The following FAR2 variants were observed in gnomAD, a reference collection of about 807,000 sequenced individuals.
FAR2 encodes epididymis secretory protein Li 81.
In FAR2, 19 loss-of-function variants were observed where a neutral mutation model predicts 56.0. The observed-to-expected ratio is 0.34, with a 90% CI of 0.24 to 0.50. The LOEUF (loss-of-function observed/expected upper bound fraction) is 0.50, where lower values mean the gene tolerates loss of function less well. FAR2 is among the 20% of genes least tolerant of loss of function. The probability of loss-of-function intolerance (pLI) is 0.98; values close to 1 mark genes in which losing one functional copy is unlikely to be tolerated. For missense variants in FAR2, 508 were observed against 642.2 expected, an observed-to-expected ratio of 0.79 and a Z score of 2.26; for synonymous variants, 219 against 218.8, an observed-to-expected ratio of 1.00 and a Z score of -0.01.
chr12:29,265,660 C>G (rs7315535), intron 1 of FAR2, among the ~76,000 whole-genome samples: 64,533 of 130,196 alleles, frequency 0.5, 14,570 homozygotes, highest in African/African-American at 0.63. Context: ...AGCAAAAATG[C>G]ACAAATGGGA....
At chr12:29,312,177 G>A (rs1240393924) in intron 8 of FAR2, among the ~76,000 whole-genome samples, 1 of 152,134 alleles carries the variant, frequency 6.6e-6, no homozygotes, top group East Asian at 1.9e-4. Flanking sequence ...GCAGTAAGGG[G>A]TCCATTGGCT....
chr12:29,194,976 T>C (rs1045999471), intron 1 of FAR2, among the ~76,000 whole-genome samples: 1 of 152,168 alleles, frequency 6.6e-6, no homozygotes, highest in Non-Finnish European at 1.5e-5. Context: ...ATACTATGAA[T>C]GGTTAAGTCT....
intron 2 of FAR2, among the ~76,000 whole-genome samples, chr12:29,276,253 AC>A (rs1466013596): frequency 2.0e-5 from 3 of 152,160 alleles, no homozygotes; most frequent in African/African-American, 7.2e-5. Flanking sequence ...CTAGGGCCTC[AC>A]TTTTTACTAA....
At chr12:29,278,758 C>T (rs1306179367) in intron 2 of FAR2, among the ~76,000 whole-genome samples, 2 of 152,140 alleles carry the variant, frequency 1.3e-5, no homozygotes, top group African/African-American at 2.4e-5. Flanking sequence ...AGAAAGCTAG[C>T]TTTGTGTGCT....
intron 2 of FAR2, among the ~76,000 whole-genome samples, chr12:29,273,460 G>C (rs1432164944): frequency 6.6e-6 from 1 of 152,226 alleles, no homozygotes; most frequent in Non-Finnish European, 1.5e-5. Context: ...GCCACGGTGT[G>C]TAGGGCTGTG....
chr12:29,180,216 T>C (rs1206913113), intron 1 of FAR2, among the ~76,000 whole-genome samples: 9 of 152,202 alleles, frequency 5.9e-5, no homozygotes, highest in African/African-American at 2.2e-4. Flanking sequence ...AAAAGAATGC[T>C]TATATGAAGC....
At chr12:29,193,480 G>A (rs1950119342) in intron 1 of FAR2, among the ~76,000 whole-genome samples, 1 of 152,272 alleles carries the variant, frequency 6.6e-6, no homozygotes, top group Middle Eastern at 3.4e-3. Context: ...AGAGTGTCAT[G>A]TAAGTGGAAT....
In FAR2 at chr12:29,265,331, A is replaced by G. The variant is rs538694269; in HGVS notation, c.-38-5081A>G. Among the ~76,000 whole-genome samples the G allele has an allele frequency of 3.3e-5, 5 of 152,338 alleles. No individual in the cohort carries two copies. In the South Asian group the frequency reaches 8.3e-4, roughly 25 times the overall value. On this transcript the variant is annotated intron_variant, in intron 1 of 11. Coordinates refer to ENST00000536681, the MANE Select transcript of FAR2 (RefSeq NM_001271783.2). ...ATGCTACTGGCATAAAAACTGAAACATAGACCAGTAGAACAGAGCAGAGAA... is the reference window on the plus strand; with the variant it reads ...ATGCTACTGGCATAAAAACTGAAACGTAGACCAGTAGAACAGAGCAGAGAA...
At chr12:29,161,870 G>A (rs2136578462) in intron 1 of FAR2, among the ~76,000 whole-genome samples, 1 of 152,256 alleles carries the variant, frequency 6.6e-6, no homozygotes, top group East Asian at 1.9e-4. Context: ...TATTTCTCTG[G>A]TGAGTGAAAA....
At chr12:29,285,788 A>C (rs1192423880) in intron 2 of FAR2, among the ~76,000 whole-genome samples, 1 of 151,974 alleles carries the variant, frequency 6.6e-6, no homozygotes, top group East Asian at 1.9e-4. Flanking sequence ...GTGTAGTGGC[A>C]CGTGCCTGTA....
intron 1 of FAR2, among the ~76,000 whole-genome samples, chr12:29,264,944 A>C (rs1948488282): frequency 6.6e-6 from 1 of 152,200 alleles, no homozygotes; most frequent in Non-Finnish European, 1.5e-5. Flanking sequence ...CAAATAAAAA[A>C]TTAAATACCT....
intron 2 of FAR2, among the ~76,000 whole-genome samples, chr12:29,273,616 T>C (rs1329001475): frequency 1.3e-5 from 2 of 152,122 alleles, no homozygotes; most frequent in African/African-American, 2.4e-5. Flanking sequence ...TGCTGGCTGC[T>C]GCCCCTCCCC....
chr12:29,256,244 G>A (rs1948314637), intron 1 of FAR2, among the ~76,000 whole-genome samples: 2 of 152,048 alleles, frequency 1.3e-5, no homozygotes, highest in African/African-American at 2.4e-5. Context: ...CTAGAGGGCA[G>A]TGGCGCCATC....
intron 1 of FAR2, among the ~76,000 whole-genome samples, chr12:29,165,644 C>T (rs1949819394): frequency 6.6e-6 from 1 of 152,054 alleles, no homozygotes. Context: ...GCCTGAAAAT[C>T]AATGAAAAAT....
At chr12:29,312,199 A>T (rs920910361) in intron 8 of FAR2, among the ~76,000 whole-genome samples, 6 of 152,164 alleles carry the variant, frequency 3.9e-5, no homozygotes, top group African/African-American at 1.4e-4. Flanking sequence ...TAGCGATTTT[A>T]AAAATGATGA....
chr12:29,309,121 C>A, intron 5 of FAR2, 65 bp from the exon 6 acceptor site: 2 of 1,084,332 alleles, frequency 1.8e-6, no homozygotes, highest in African/African-American at 1.6e-5. Context: ...GATTAGACTG[C>A]AGATGTTCCA....
intron 1 of FAR2, among the ~76,000 whole-genome samples, chr12:29,187,207 T>G (rs1184664661): frequency 6.6e-6 from 1 of 152,212 alleles, no homozygotes; most frequent in East Asian, 1.9e-4. Flanking sequence ...TAACCCTTTT[T>G]TTTACAATAT....
intron 8 of FAR2, among the ~76,000 whole-genome samples, chr12:29,312,468 T>C (rs1238794769): frequency 1.3e-5 from 2 of 152,118 alleles, no homozygotes; most frequent in Admixed American, 1.3e-4. Context: ...TTTGTAAAAG[T>C]GAATAGGAAG....
intron 1 of FAR2, among the ~76,000 whole-genome samples, chr12:29,245,106 G>T (rs2349975): frequency 1.3e-5 from 2 of 151,700 alleles, no homozygotes; most frequent in East Asian, 3.9e-4. Flanking sequence ...TCAGCCTCCC[G>T]AGTAGCTGGG....
Sources: allele counts gnomAD v4.1 joint callset (sites outside exome capture counted in the v4.1 genomes callset), GRCh38; gene constraint gnomAD v4.1.1; transcripts MANE v1.5; gene names NCBI Gene and HGNC (gene_info 2026-07-23, HGNC 2026-07-21).